The following DOCK3 variants were observed in gnomAD, a reference collection of about 807,000 sequenced individuals.
DOCK3 encodes the protein dedicator of cytokinesis protein 3.
DOCK3 carries 60 observed loss-of-function variants against 265.6 expected under a neutral mutation model. That is an observed-to-expected ratio of 0.23 (90% confidence interval 0.18 to 0.28). The LOEUF (loss-of-function observed/expected upper bound fraction) is 0.28, where lower values mean the gene tolerates loss of function less well. DOCK3 is among the 10% of genes least tolerant of loss of function. DOCK3 has a pLI of 1.00. For synonymous variants in DOCK3, 881 were observed against 938.0 expected (o/e 0.94, Z 1.11); for missense variants, 1,981 against 2,594.3 (o/e 0.76, Z 5.14).
intron 27 of DOCK3, among the ~76,000 whole-genome samples, chr3:51,290,524 G>T (rs576265282): frequency 6.6e-6 from 1 of 152,058 alleles, no homozygotes; most frequent in East Asian, 1.9e-4. Context: ...ATCACACACC[G>T]GGGCCTGTTG....
chr3:51,372,334 T>C (rs1331978675), intron 49 of DOCK3, among the ~76,000 whole-genome samples: 2 of 152,202 alleles, frequency 1.3e-5, no homozygotes, highest in Non-Finnish European at 2.9e-5. Flanking sequence ...TACCATGGGA[T>C]TGGCTGCCCA....
chr3:50,787,188 C>T, intron 2 of DOCK3: 1 of 629,326 alleles, frequency 1.6e-6, no homozygotes, highest in Non-Finnish European at 2.9e-6. Context: ...CTTATTGCCA[C>T]ATTTATCACA....
intron 5 of DOCK3, among the ~76,000 whole-genome samples, chr3:50,979,118 C>G (rs963004100): frequency 6.6e-6 from 1 of 152,198 alleles, no homozygotes; most frequent in African/African-American, 2.4e-5. Context: ...GCGCCGCTCA[C>G]GCTGGGAGCT....
In DOCK3 at chr3:50,674,934, C is replaced by T. The variant is rs2033820502; in HGVS notation, c.-330C>T. 1.3e-5 allele frequency: 2 copies of T among 148,646 alleles called. No individual in the cohort carries two copies. The highest frequency in any genetic ancestry group is 3.0e-5 in the Non-Finnish European group (2 of 66,830). 9.2% of individuals were successfully genotyped at this position (148,646 alleles called of 1,614,324 possible). Reference sequence around the variant, plus strand: ...CATGCGCGGGCGTCCTGCGAGCCCGCTGGGGCGAGCCGAGCCGCGGCGGCG... The same window carrying T: ...CATGCGCGGGCGTCCTGCGAGCCCGTTGGGGCGAGCCGAGCCGCGGCGGCG... On this transcript the variant is annotated 5_prime_UTR_variant, in exon 1 of 53. Transcript: ENST00000266037. The surrounding 1 kb of genome is among the most constrained non-coding windows in gnomAD (Gnocchi z 4.3).
intron 5 of DOCK3, among the ~76,000 whole-genome samples, chr3:50,953,956 A>G (rs2076661758): frequency 6.6e-6 from 1 of 152,146 alleles, no homozygotes; most frequent in East Asian, 1.9e-4. Flanking sequence ...TTACCATTTC[A>G]ACTATCATTA....
chr3:50,803,695 G>A (rs911455873), intron 2 of DOCK3, among the ~76,000 whole-genome samples: 7 of 151,014 alleles, frequency 4.6e-5, no homozygotes, highest in South Asian at 4.2e-4. Context: ...GCTACCAGGC[G>A]GGGGCTGCCC....
rs185542308 is a variant in DOCK3, at chr3:50,938,364, A to G, written c.315+4287A>G. The stretch of plus-strand genomic sequence containing the variant: ...ACGCATTCTCTTAGTAATCCGTATA[A>G]CCACTAGGCAATAGTCATCAGGAAT... On this transcript the variant is annotated intron_variant, in intron 5 of 52. Transcript: ENST00000266037. 1.5e-4 allele frequency among the ~76,000 whole-genome samples: 23 copies of G among 152,266 alleles called. No individual in the cohort carries two copies. In the East Asian group the frequency reaches 4.2e-3, roughly 28 times the overall value.
chr3:51,338,279 G>A, intron 35 of DOCK3, 80 bp from the exon 36 acceptor site: 3 of 1,482,062 alleles, frequency 2.0e-6, no homozygotes, highest in East Asian at 2.5e-5. Flanking sequence ...TCATACTAAT[G>A]CCCCAGTGAT....
chr3:50,939,237 C>A (rs1218289059), intron 5 of DOCK3, among the ~76,000 whole-genome samples: 1 of 151,998 alleles, frequency 6.6e-6, no homozygotes, highest in Non-Finnish European at 1.5e-5. Flanking sequence ...AATAGATAAT[C>A]TGAAAATCCT....
At chr3:51,081,821 G>C (rs767173199) in intron 7 of DOCK3, among the ~76,000 whole-genome samples, 3 of 151,582 alleles carry the variant, frequency 2.0e-5, no homozygotes, top group Admixed American at 2.0e-4. Flanking sequence ...GCGTGAACCT[G>C]GGTGGTGGAG....
intron 1 of DOCK3, among the ~76,000 whole-genome samples, chr3:50,682,909 A>T (rs2034515743): frequency 6.6e-6 from 1 of 152,272 alleles, no homozygotes; most frequent in Admixed American, 6.5e-5. Context: ...ATTGCGCTCC[A>T]GCCTGGGTGA....
At chr3:51,375,944 G>A in intron 51 of DOCK3, 109 bp downstream of exon 51, 1 of 1,060,264 alleles carries the variant, frequency 9.4e-7, no homozygotes. Flanking sequence ...CAACACTCAG[G>A]TCTGTCCGTC....
At chr3:50,760,254 ACAGT>A (rs537944014) in intron 1 of DOCK3, among the ~76,000 whole-genome samples, 6 of 152,294 alleles carry the variant, frequency 3.9e-5, no homozygotes, top group East Asian at 1.9e-4. Context: ...GGTTGAAAAG[ACAGT>A]CAGTTCTTTG....
At chr3:51,229,925 C>T (rs755210603) in intron 19 of DOCK3, among the ~76,000 whole-genome samples, 24 of 152,288 alleles carry the variant, frequency 1.6e-4, no homozygotes, top group African/African-American at 3.9e-4. Context: ...CCTCATTGCA[C>T]GTTCTACTTC....
At chr3:51,128,055 C>T (rs1205498412) in intron 9 of DOCK3, among the ~76,000 whole-genome samples, 1 of 152,178 alleles carries the variant, frequency 6.6e-6, no homozygotes, top group Non-Finnish European at 1.5e-5. Context: ...GTAGGAGGAT[C>T]CCAAAGTGTC....
At chr3:51,367,934 C>A (rs564412012) in intron 49 of DOCK3, among the ~76,000 whole-genome samples, 1 of 152,176 alleles carries the variant, frequency 6.6e-6, no homozygotes, top group African/African-American at 2.4e-5. Context: ...TTTTTTCCTT[C>A]GTTTCAACTT....
At chr3:50,828,407 T>C (rs896782640) in intron 2 of DOCK3, among the ~76,000 whole-genome samples, 5 of 152,126 alleles carry the variant, frequency 3.3e-5, no homozygotes, top group Non-Finnish European at 7.3e-5. Context: ...CCTTTTCTTT[T>C]CTTTTTTCTT....
intron 2 of DOCK3, among the ~76,000 whole-genome samples, chr3:50,794,510 T>C (rs1212751566): frequency 6.6e-6 from 1 of 152,214 alleles, no homozygotes; most frequent in Non-Finnish European, 1.5e-5. Flanking sequence ...TTTTTTGATC[T>C]TCGTTGGTTT....
At chr3:50,720,242 A>G (rs1471119976) in intron 1 of DOCK3, among the ~76,000 whole-genome samples, 1 of 152,144 alleles carries the variant, frequency 6.6e-6, no homozygotes, top group African/African-American at 2.4e-5. Context: ...TCACCCAGGT[A>G]GTAAACATAG....
Sources: allele counts gnomAD v4.1 joint callset (sites outside exome capture counted in the v4.1 genomes callset), GRCh38; gene constraint gnomAD v4.1.1; non-coding constraint Gnocchi (gnomAD v3.1); transcripts MANE v1.5; gene names NCBI Gene and HGNC (gene_info 2026-07-23, HGNC 2026-07-21).